GRM8: variants seen among roughly 807,000 people sequenced by gnomAD.
GRM8 encodes the protein glutamate metabotropic receptor 8.
GRM8 carries 47 observed loss-of-function variants against 87.2 expected under a neutral mutation model. The observed-to-expected ratio is 0.54, with a 90% confidence interval of 0.43 to 0.69. The LOEUF is 0.69. Ranked by LOEUF, GRM8 falls within the 30% of genes least tolerant of loss-of-function variation. The pLI is 0.00. For synonymous variants in GRM8, 396 were observed against 404.5 expected (o/e 0.98, Z 0.25); for missense variants, 1,019 against 1,139.2 (o/e 0.89, Z 1.52).
chr7:127,004,368 T>C (rs1445928344), intron 3 of GRM8, among the ~76,000 whole-genome samples: 1 of 151,288 alleles, frequency 6.6e-6, no homozygotes, highest in African/African-American at 2.4e-5. Context: ...ACTAAATTAC[T>C]CACTAGAGGA....
intron 9 of GRM8, among the ~76,000 whole-genome samples, chr7:126,448,659 A>G (rs1385271022): frequency 1.3e-5 from 2 of 151,962 alleles, no homozygotes; most frequent in Non-Finnish European, 2.9e-5. Flanking sequence ...TGGACGCTAT[A>G]CTTTCAAATT....
chr7:126,500,359 C>T (rs564081226), intron 9 of GRM8, among the ~76,000 whole-genome samples: 1 of 152,058 alleles, frequency 6.6e-6, no homozygotes, highest in African/African-American at 2.4e-5. Context: ...ATAGAAGGTG[C>T]TAGAGGGAGA....
At chr7:127,142,695 A>C (rs1381219824) in intron 2 of GRM8, among the ~76,000 whole-genome samples, 3 of 152,088 alleles carry the variant, frequency 2.0e-5, no homozygotes, top group Non-Finnish European at 4.4e-5. Context: ...AGATGGATGG[A>C]TGGATTGGAT....
chr7:127,160,531 G>A (rs1040144995), intron 2 of GRM8, among the ~76,000 whole-genome samples: 28 of 147,584 alleles, frequency 1.9e-4, no homozygotes, highest in African/African-American at 6.6e-4. Context: ...TCCATCACGC[G>A]CGCGCACACA....
chr7:126,731,004 C>A (rs1253280390), intron 7 of GRM8, among the ~76,000 whole-genome samples: 1 of 151,954 alleles, frequency 6.6e-6, no homozygotes, highest in Non-Finnish European at 1.5e-5. Flanking sequence ...AAAGTTATAA[C>A]AAATTATACA....
At chr7:126,527,942 C>T (rs1012812355) in intron 9 of GRM8, among the ~76,000 whole-genome samples, 16 of 152,158 alleles carry the variant, frequency 1.1e-4, no homozygotes, top group African/African-American at 3.6e-4. Flanking sequence ...TGCAGTGGCT[C>T]ATGCCTGTAA....
intron 2 of GRM8, among the ~76,000 whole-genome samples, chr7:127,180,094 A>G (rs183700515): frequency 1.3e-5 from 2 of 152,262 alleles, no homozygotes; most frequent in African/African-American, 4.8e-5. Flanking sequence ...TAAAATTGAT[A>G]GACCATCAGC....
intron 6 of GRM8, among the ~76,000 whole-genome samples, chr7:126,877,210 G>A (rs933648010): frequency 1.2e-4 from 18 of 152,000 alleles, no homozygotes; most frequent in African/African-American, 3.9e-4. Flanking sequence ...CTTCATAAAC[G>A]TATTCTTTTG....
chr7:127,057,614 C>G (rs1228495887), intron 3 of GRM8, among the ~76,000 whole-genome samples: 1 of 152,094 alleles, frequency 6.6e-6, no homozygotes, highest in Non-Finnish European at 1.5e-5. Context: ...TTATTAAAAT[C>G]TGAGTGCAAG....
At chr7:127,223,443 G>GCGCACA (rs1019002634) in intron 2 of GRM8, among the ~76,000 whole-genome samples, 2 of 143,980 alleles carry the variant, frequency 1.4e-5, no homozygotes, top group Admixed American at 7.1e-5. Flanking sequence ...ACACACACAC[G>GCGCACA]CACACACACA....
intron 7 of GRM8, among the ~76,000 whole-genome samples, chr7:126,684,646 T>C (rs1278140649): frequency 2.6e-5 from 4 of 152,164 alleles, no homozygotes; most frequent in African/African-American, 7.2e-5. Context: ...CACAGTGTCA[T>C]AGATGTGTAG....
At chr7:126,561,446 G>A (rs925421809) in intron 8 of GRM8, among the ~76,000 whole-genome samples, 4 of 151,710 alleles carry the variant, frequency 2.6e-5, no homozygotes, top group African/African-American at 7.3e-5. Flanking sequence ...TCCAGCCTGG[G>A]CAACAGAGTG....
At chr7:126,468,607 G>A (rs1203833404) in intron 9 of GRM8, among the ~76,000 whole-genome samples, 1 of 151,816 alleles carries the variant, frequency 6.6e-6, no homozygotes, top group African/African-American at 2.4e-5. Flanking sequence ...GCATTTCATT[G>A]CCATTAAAAG....
chr7:126,647,597 C>T (rs538360175), intron 7 of GRM8, among the ~76,000 whole-genome samples: 93 of 152,242 alleles, frequency 6.1e-4, no homozygotes, highest in Admixed American at 1.2e-3. Flanking sequence ...GCTCCCTCTC[C>T]TCCATTCCAA....
chr7:126,806,368 C>T (rs770141602), intron 6 of GRM8, among the ~76,000 whole-genome samples: 4 of 152,206 alleles, frequency 2.6e-5, no homozygotes, highest in African/African-American at 7.2e-5. Flanking sequence ...AAAGCTGGCA[C>T]GGACACAGAG....
At chr7:126,453,005 T>C (rs1802803279) in intron 9 of GRM8, among the ~76,000 whole-genome samples, 1 of 151,272 alleles carries the variant, frequency 6.6e-6, no homozygotes, top group Non-Finnish European at 1.5e-5. Flanking sequence ...ATTCTCCACG[T>C]CAGAAACGCT....
intron 9 of GRM8, among the ~76,000 whole-genome samples, chr7:126,531,140 C>T (rs898694067): frequency 6.6e-6 from 1 of 152,026 alleles, no homozygotes; most frequent in African/African-American, 2.4e-5. Flanking sequence ...TGTGAAGTAC[C>T]TCAGTACCAA....
At chr7:126,467,159 G>A (rs1002754716) in intron 9 of GRM8, among the ~76,000 whole-genome samples, 10 of 117,612 alleles carry the variant, frequency 8.5e-5, no homozygotes, top group Admixed American at 1.9e-4. Context: ...CCCACCCCCC[G>A]ACAGGCTTCA....
intron 2 of GRM8, among the ~76,000 whole-genome samples, chr7:127,241,444 T>G (rs947169892): frequency 8.6e-5 from 13 of 151,430 alleles, no homozygotes; most frequent in Non-Finnish European, 1.5e-4. Flanking sequence ...TTTCTTTTTT[T>G]TTTTTTTGAG....
Sources: allele counts gnomAD v4.1 joint callset (sites outside exome capture counted in the v4.1 genomes callset), GRCh38; gene constraint gnomAD v4.1.1; transcripts MANE v1.5; gene names NCBI Gene and HGNC (gene_info 2026-07-23, HGNC 2026-07-21).